IMMP2L: variants seen among roughly 807,000 people sequenced by gnomAD.
IMMP2L encodes the protein mitochondrial inner membrane protease subunit 2.
In IMMP2L, 18 loss-of-function variants were observed where a neutral mutation model predicts 19.3. The observed-to-expected ratio is 0.93, with a 90% CI of 0.64 to 1.38. The LOEUF is 1.38. Ranked by LOEUF, IMMP2L falls within the 40% of genes most tolerant of loss-of-function variation. The pLI is 0.00. For synonymous variants in IMMP2L, 76 were observed against 73.0 expected, an observed-to-expected ratio of 1.04 and a Z score of -0.21; for missense variants, 233 against 218.2, an observed-to-expected ratio of 1.07 and a Z score of -0.43.
At chr7:111,351,083 T>C (rs1294395145) in intron 3 of IMMP2L, among the ~76,000 whole-genome samples, 2 of 152,228 alleles carry the variant, frequency 1.3e-5, no homozygotes, top group Non-Finnish European at 2.9e-5. Flanking sequence ...GCTTACTTAA[T>C]ACATTTTTTG....
At chr7:111,528,825 C>T (rs925605793) in intron 1 of IMMP2L, among the ~76,000 whole-genome samples, 2 of 152,040 alleles carry the variant, frequency 1.3e-5, no homozygotes. Context: ...AAAATGTAAC[C>T]TTTCAATCAT....
At chr7:111,461,471 C>T (rs1275130596) in intron 3 of IMMP2L, among the ~76,000 whole-genome samples, 6 of 152,016 alleles carry the variant, frequency 3.9e-5, no homozygotes, top group Admixed American at 2.6e-4. Flanking sequence ...TCTTGCTACA[C>T]ATTGCCAAGT....
chr7:111,174,329 T>C (rs1055982099), intron 3 of IMMP2L, among the ~76,000 whole-genome samples: 1 of 151,698 alleles, frequency 6.6e-6, no homozygotes, highest in Non-Finnish European at 1.5e-5. Context: ...AGAGGTTTAA[T>C]AACTTCCTAC....
At chr7:110,743,557 A>C (rs1377788425) in intron 5 of IMMP2L, among the ~76,000 whole-genome samples, 1 of 152,214 alleles carries the variant, frequency 6.6e-6, no homozygotes, top group Non-Finnish European at 1.5e-5. Flanking sequence ...CACAGAAGGC[A>C]GGTGATTTCT....
At position 110,780,576 on chromosome 7, in the gene IMMP2L, A is replaced by T. The variant is rs1799670028; in HGVS notation, c.408+106017T>A. Among the ~76,000 whole-genome samples the T allele has an allele frequency of 2.0e-5, 3 of 151,640 alleles. No homozygotes were observed. In the South Asian group the frequency reaches 6.2e-4, roughly 32 times the overall value. ...TCGAACACACAACCCTGCTTGCCTGATCTCTCTGCCTCGCTATTACCCCTT... is the reference window on the plus strand; with the variant it reads ...TCGAACACACAACCCTGCTTGCCTGTTCTCTCTGCCTCGCTATTACCCCTT... On this transcript the variant is annotated intron_variant, in intron 5 of 5. Coordinates refer to ENST00000405709, the MANE Select transcript of IMMP2L (RefSeq NM_032549.4).
chr7:110,967,444 C>CT (rs1457547730), intron 3 of IMMP2L, among the ~76,000 whole-genome samples: 11 of 151,988 alleles, frequency 7.2e-5, no homozygotes, highest in African/African-American at 2.4e-4. Context: ...AACCCTAGGT[C>CT]TAAGCATTCT....
At chr7:110,664,310 TG>T (rs1343121787) in intron 5 of IMMP2L, among the ~76,000 whole-genome samples, 1 of 149,858 alleles carries the variant, frequency 6.7e-6, no homozygotes, top group Non-Finnish European at 1.5e-5. Context: ...TGAGACTGGG[TG>T]GGCTGTCTCC....
At chr7:111,011,871 A>G (rs1173553975) in intron 3 of IMMP2L, among the ~76,000 whole-genome samples, 1 of 152,148 alleles carries the variant, frequency 6.6e-6, no homozygotes, top group East Asian at 1.9e-4. Context: ...TGGCTCTGGT[A>G]GGAGAGCGAG....
chr7:111,485,685 T>C (rs1249408434), intron 3 of IMMP2L, among the ~76,000 whole-genome samples: 2 of 151,604 alleles, frequency 1.3e-5, no homozygotes, highest in African/African-American at 4.8e-5. Context: ...TAGAATATTT[T>C]TGAAGTTAAT....
chr7:111,387,463 A>T (rs1831874206), intron 3 of IMMP2L, among the ~76,000 whole-genome samples: 1 of 152,194 alleles, frequency 6.6e-6, no homozygotes, highest in East Asian at 1.9e-4. Context: ...GTTCAACAAG[A>T]ACTCGTTTTA....
At chr7:111,129,370 TA>T (rs1468210186) in intron 3 of IMMP2L, among the ~76,000 whole-genome samples, 2 of 151,394 alleles carry the variant, frequency 1.3e-5, no homozygotes, top group Non-Finnish European at 2.9e-5. Flanking sequence ...AGCAAATAAG[TA>T]AAAATTTTTG....
chr7:110,808,693 C>G (rs1801806653), intron 5 of IMMP2L, among the ~76,000 whole-genome samples: 1 of 152,060 alleles, frequency 6.6e-6, no homozygotes, highest in Admixed American at 6.6e-5. Context: ...AAACAAACAG[C>G]TGAGTGTTAG....
intron 3 of IMMP2L, among the ~76,000 whole-genome samples, chr7:111,080,503 A>G: frequency 2.3e-5 from 1 of 44,134 alleles, no homozygotes; most frequent in South Asian, 5.9e-4. Context: ...TGTGTGTATA[A>G]TATATAATGT....
chr7:111,117,555 T>C (rs1800036451), intron 3 of IMMP2L, among the ~76,000 whole-genome samples: 1 of 152,060 alleles, frequency 6.6e-6, no homozygotes, highest in Admixed American at 6.5e-5. Context: ...TAAATTCAAA[T>C]AATTTGTTTT....
intron 3 of IMMP2L, among the ~76,000 whole-genome samples, chr7:111,412,149 A>G (rs1286352818): frequency 6.6e-6 from 1 of 151,802 alleles, no homozygotes; most frequent in Admixed American, 6.6e-5. Flanking sequence ...CTAATAATGA[A>G]GCTTCAAAAC....
chr7:111,241,652 T>A (rs1039391081), intron 3 of IMMP2L, among the ~76,000 whole-genome samples: 1 of 151,750 alleles, frequency 6.6e-6, no homozygotes, highest in Admixed American at 6.6e-5. Flanking sequence ...ACCAAGGGTC[T>A]AGCCAAATGT....
At chr7:110,792,795 A>G (rs1800554904) in intron 5 of IMMP2L, among the ~76,000 whole-genome samples, 1 of 152,104 alleles carries the variant, frequency 6.6e-6, no homozygotes, top group Non-Finnish European at 1.5e-5. Context: ...CCATTATAGT[A>G]TCATACAGAG....
chr7:110,776,292 G>C (rs1310233204), intron 5 of IMMP2L, among the ~76,000 whole-genome samples: 1 of 151,996 alleles, frequency 6.6e-6, no homozygotes, highest in African/African-American at 2.4e-5. Context: ...ATTCGCGTAA[G>C]TAATGTTAAA....
intron 3 of IMMP2L, among the ~76,000 whole-genome samples, chr7:111,193,400 A>T (rs1180595833): frequency 6.6e-6 from 1 of 152,168 alleles, no homozygotes; most frequent in Non-Finnish European, 1.5e-5. Flanking sequence ...CGCAATAAAA[A>T]TAAAATTGAG....
Sources: gnomAD v4.1 joint callset for allele counts (sites outside exome capture counted in the v4.1 genomes callset) on GRCh38, gnomAD v4.1.1 for gene constraint, MANE v1.5 for transcripts, NCBI Gene and HGNC (gene_info 2026-07-23, HGNC 2026-07-21) for gene names.